TOP2B: variants seen among roughly 807,000 people sequenced by gnomAD.
TOP2B encodes the protein DNA topoisomerase II beta.
In TOP2B, 51 loss-of-function variants were observed where a neutral mutation model predicts 193.5. The observed-to-expected ratio is 0.26, with a 90% CI of 0.21 to 0.33. TOP2B has a LOEUF of 0.33. Ranked by LOEUF, TOP2B falls within the 10% of genes least tolerant of loss-of-function variation. The pLI is 1.00. For missense variants in TOP2B, 1,378 were observed against 1,909.3 expected, an observed-to-expected ratio of 0.72 and a Z score of 5.19; for synonymous variants, 634 against 635.7, an observed-to-expected ratio of 1.00 and a Z score of 0.04.
rs770863475 is a variant in TOP2B, at chr3:25,633,833, T to G, written c.1026+8A>C. 1.9e-6 allele frequency: 3 copies of G among 1,600,044 alleles called. No individual in the cohort carries two copies. The highest frequency in any genetic ancestry group is 2.3e-5 in the South Asian group (2 of 88,814). ...ACTGACTTGGAAACAAATAATTTGC[T>G]TACTTACTTTTGTAGTTGCAATACT... On this transcript the variant is annotated splice_region_variant and intron_variant, in intron 8 of 35. Transcript: ENST00000264331.
intron 1 of TOP2B, among the ~76,000 whole-genome samples, chr3:25,650,638 G>A (rs979899874): frequency 6.6e-6 from 1 of 152,298 alleles, no homozygotes; most frequent in South Asian, 2.1e-4. Context: ...AAGCTGAACC[G>A]ACTGAGACAT....
chr3:25,643,516 G>A (rs1183017246), intron 3 of TOP2B, among the ~76,000 whole-genome samples, 178 bp downstream of exon 3: 1 of 152,232 alleles, frequency 6.6e-6, no homozygotes, highest in Non-Finnish European at 1.5e-5. Context: ...AGATGAAACA[G>A]AGATATGAAA....
chr3:25,612,365 T>C, intron 28 of TOP2B, 150 bp downstream of exon 28: 1 of 535,148 alleles, frequency 1.9e-6, no homozygotes, highest in Non-Finnish European at 3.1e-6. Context: ...CTTCTATAGA[T>C]CAACTGCTGT....
chr3:25,626,238 A>G (rs1271959583), intron 18 of TOP2B, among the ~76,000 whole-genome samples: 1 of 152,200 alleles, frequency 6.6e-6, no homozygotes, highest in Non-Finnish European at 1.5e-5. Flanking sequence ...TAAATATTTT[A>G]GAAATTATCA....
intron 28 of TOP2B, among the ~76,000 whole-genome samples, chr3:25,611,680 C>A (rs1046352566): frequency 6.6e-6 from 1 of 151,972 alleles, no homozygotes; most frequent in Non-Finnish European, 1.5e-5. Flanking sequence ...GTTAGGTCAA[C>A]GCCATTTTTT....
intron 7 of TOP2B, 62 bp downstream of exon 7, chr3:25,635,874 G>A (rs1034205449): frequency 6.4e-6 from 9 of 1,406,738 alleles, no homozygotes; most frequent in Non-Finnish European, 8.8e-6. Flanking sequence ...AAAAAAGGAA[G>A]ACCCAACAAT....
chr3:25,601,961 G>A (rs1381672595), intron 33 of TOP2B, among the ~76,000 whole-genome samples: 1 of 152,148 alleles, frequency 6.6e-6, no homozygotes, highest in African/African-American at 2.4e-5. Context: ...CCATTCAAAA[G>A]CTGAAATCCA....
chr3:25,624,474 C>T (rs1338832862), intron 19 of TOP2B, 29 bp from the exon 20 acceptor site: 1 of 1,587,800 alleles, frequency 6.3e-7, no homozygotes, highest in Non-Finnish European at 8.5e-7. Flanking sequence ...CAGAACATAA[C>T]ATTAATATTC....
In TOP2B at chr3:25,642,399, C is replaced by A. The variant is rs1209074166; in HGVS notation, c.332-14G>T. ...CAGCAGCATTAACTACAAAATTAAA[C>A]ACCTCAATGAGTAATATACAAAATT... On this transcript the variant is annotated splice_polypyrimidine_tract_variant and intron_variant, in intron 3 of 35. Coordinates refer to ENST00000264331, the MANE Select transcript of TOP2B (RefSeq NM_001330700.2). The A allele has an allele frequency of 2.6e-6, 4 of 1,514,972 alleles. No homozygotes were observed. Among genetic ancestry groups the A allele is most frequent in the Non-Finnish European group, 2.7e-6 (3 of 1,116,878 alleles). 93.8% of individuals were successfully genotyped at this position (1,514,972 alleles called of 1,614,324 possible).
At position 25,626,841 on chromosome 3, in the gene TOP2B, A is replaced by T; in HGVS notation, c.2040T>A (p.Asp680Glu). The T allele has an allele frequency of 6.2e-7, 1 of 1,601,492 alleles. No individual in the cohort carries two copies. The highest frequency in any genetic ancestry group is 1.1e-5 in the South Asian group (1 of 89,624). Residue 680 changes from aspartate to glutamate, a missense_variant, in exon 17 of 36, where the codon GAT becomes GAA. This residue lies in a region of TOP2B where 379 missense variants were observed against 615.1 expected (regional missense o/e 0.62). Coordinates refer to ENST00000264331, the MANE Select transcript of TOP2B (RefSeq NM_001330700.2). The part of the protein sequence containing the change: ...ITLAFSKKKI[D>E]DRKEWLTNFM... ...AATTTGTTAACCATTCTTTTCTGTC[A>T]TCAATCTTCTTCTTACTAAATGCCT...
At chr3:25,610,844 C>T (rs1018512800) in intron 28 of TOP2B, among the ~76,000 whole-genome samples, 1 of 152,074 alleles carries the variant, frequency 6.6e-6, no homozygotes, top group African/African-American at 2.4e-5. Context: ...TAAAGTATCT[C>T]AGAGAAAACA....
rs924112348 is a variant in TOP2B at position 25,599,442 on chromosome 3, G to C, written c.4703C>G (p.Thr1568Arg). The C allele has an allele frequency of 6.2e-7, 1 of 1,612,974 alleles. No individual in the cohort carries two copies. Among genetic ancestry groups the C allele is most frequent in the Non-Finnish European group, 8.5e-7 (1 of 1,179,358 alleles). Residue 1568 changes from threonine (T) to arginine (R), a missense_variant, in exon 35 of 36, where the codon ACA becomes AGA. Coordinates refer to ENST00000264331, the MANE Select transcript of TOP2B (RefSeq NM_001330700.2). ...AATGATGTTCCCGGTTACCTTGCTT[G>C]TTGTTTTGGATGTTTTCCTGCCAGG... ...YNPGRKTSKT[T>R]SKKPKKTSFD...
At chr3:25,657,918 G>A (rs1040646047) in intron 1 of TOP2B, among the ~76,000 whole-genome samples, 3 of 145,126 alleles carry the variant, frequency 2.1e-5, no homozygotes, top group Non-Finnish European at 4.5e-5. Context: ...AAAATTAGCC[G>A]GGCGTAGTGG....
At chr3:25,626,715 C>A (rs200354993) in intron 17 of TOP2B, 41 bp from the exon 18 acceptor site, 9 of 1,518,538 alleles carry the variant, frequency 5.9e-6, no homozygotes, top group African/African-American at 1.4e-5. Context: ...ATTATTACTG[C>A]ATGAATTCTA....
At chr3:25,639,840 G>A (rs1703209326) in intron 4 of TOP2B, among the ~76,000 whole-genome samples, 1 of 152,066 alleles carries the variant, frequency 6.6e-6, no homozygotes, top group Non-Finnish European at 1.5e-5. Context: ...TACTATGGAG[G>A]AAAAGAAAGA....
intron 1 of TOP2B, among the ~76,000 whole-genome samples, chr3:25,659,277 G>C (rs1442871111): frequency 6.6e-6 from 1 of 151,384 alleles, no homozygotes; most frequent in Non-Finnish European, 1.5e-5. Flanking sequence ...ACTGTCCCCT[G>C]TCTATGCTCC....
intron 1 of TOP2B, among the ~76,000 whole-genome samples, chr3:25,662,194 A>G (rs1703936879): frequency 6.6e-6 from 1 of 152,214 alleles, no homozygotes; most frequent in Admixed American, 6.5e-5. Flanking sequence ...TTGACAGATA[A>G]AAAAACAGGC....
At chr3:25,659,440 G>A (rs561605635) in intron 1 of TOP2B, among the ~76,000 whole-genome samples, 15 of 152,346 alleles carry the variant, frequency 9.8e-5, no homozygotes, top group African/African-American at 3.4e-4. Flanking sequence ...AAGGGAGAAT[G>A]TATGTGTGAA....
At chr3:25,635,491 A>G (rs1703081876) in intron 7 of TOP2B, among the ~76,000 whole-genome samples, 1 of 152,198 alleles carries the variant, frequency 6.6e-6, no homozygotes, top group Non-Finnish European at 1.5e-5. Context: ...GACAATATGC[A>G]ACTTCAGCAA....
Sources: allele counts gnomAD v4.1 joint callset (sites outside exome capture counted in the v4.1 genomes callset), GRCh38; gene constraint gnomAD v4.1.1; regional missense constraint gnomAD v4.1.1; transcripts MANE v1.5; gene names NCBI Gene and HGNC (gene_info 2026-07-23, HGNC 2026-07-21).